Variants in P2RX7 observed in about 807,000 individuals in gnomAD.
P2RX7 encodes purinergic receptor P2X 7, also known as P2X purinoceptor 7.
P2RX7 carries 62 observed loss-of-function variants against 71.6 expected under a neutral mutation model. That is an observed-to-expected ratio of 0.87 (90% confidence interval 0.71 to 1.07). P2RX7 has a LOEUF of 1.07. P2RX7 is among the 50% of genes least tolerant of loss of function. P2RX7 has a pLI of 0.00. For missense variants in P2RX7, 686 were observed against 748.5 expected (o/e 0.92, Z 0.97); for synonymous variants, 299 against 283.3 (o/e 1.06, Z -0.56).
At chr12:121,145,561 C>T (rs1046291900) in intron 1 of P2RX7, among the ~76,000 whole-genome samples, 5 of 150,122 alleles carry the variant, frequency 3.3e-5, no homozygotes, top group Non-Finnish European at 7.4e-5. Flanking sequence ...GGCTGGAGTG[C>T]GATGGTGTGA....
chr12:121,157,923 A>G (rs962646812), intron 3 of P2RX7, among the ~76,000 whole-genome samples: 39 of 152,264 alleles, frequency 2.6e-4, no homozygotes, highest in Admixed American at 6.5e-5. Context: ...GTCAGTTGTT[A>G]TGATTCAAAT....
chr12:121,184,230 T>A lies in P2RX7; in HGVS notation c.1291-75T>A, dbSNP rs999184569. The A allele has an allele frequency of 2.1e-5, 31 of 1,480,418 alleles. 1 individual carries two copies. In the African/African-American group the frequency reaches 3.9e-4, roughly 19 times the overall value. The allele number at this position is 1,480,418 out of a possible 1,614,324, so 91.7% of individuals were successfully genotyped here. ...TCATGTAATATTAAACGTAACTTTA[T>A]AAGTTAATAAAATTAAAGAACCTAG... On this transcript the variant is annotated intron_variant, in intron 12 of 12. Coordinates refer to ENST00000328963, the MANE Select transcript of P2RX7 (RefSeq NM_002562.6).
At chr12:121,166,222 G>T (rs1880988223) in intron 7 of P2RX7, 35 bp downstream of exon 7, 1 of 1,601,976 alleles carries the variant, frequency 6.2e-7, no homozygotes, top group Non-Finnish European at 8.5e-7. Flanking sequence ...ATGTGGGGCT[G>T]TGTGTCTAGG....
At chr12:121,175,250 G>A in intron 8 of P2RX7, 138 bp from the exon 9 acceptor site, 2 of 556,356 alleles carry the variant, frequency 3.6e-6, no homozygotes, top group Non-Finnish European at 6.5e-6. Flanking sequence ...AGTCAAGGCT[G>A]CAGTGAGTGG....
At chr12:121,134,875 T>C (rs1873210059) in intron 1 of P2RX7, among the ~76,000 whole-genome samples, 1 of 152,104 alleles carries the variant, frequency 6.6e-6, no homozygotes, top group Non-Finnish European at 1.5e-5. Context: ...GGTAACTTAT[T>C]TCATAGTACT....
rs750961433 is a variant in P2RX7, at chr12:121,180,496, A to C, written c.1290+41A>C. The C allele has an allele frequency of 4.9e-6, 5 of 1,027,634 alleles. No individual in the cohort carries two copies. The African/African-American group carries it at 5.0e-5, about 10-fold the overall frequency. 63.7% of individuals were successfully genotyped at this position (1,027,634 alleles called of 1,614,324 possible). On this transcript the variant is annotated intron_variant, in intron 12 of 12. Coordinates refer to ENST00000328963, the MANE Select transcript of P2RX7 (RefSeq NM_002562.6). ...TTGTCTTTTTTTTTTTTTTAAGAAA[A>C]TTTACTGTTAAATATAAACACATCT...
At chr12:121,138,695 A>G (rs1447928147) in intron 1 of P2RX7, among the ~76,000 whole-genome samples, 1 of 152,158 alleles carries the variant, frequency 6.6e-6, no homozygotes, top group African/African-American at 2.4e-5. Context: ...TTCTAAGTGT[A>G]CCTCTCTAGT....
Position 121,144,730 on chromosome 12 carries a change from G to T in P2RX7, c.126-10055G>T, listed in dbSNP as rs1875762817. The stretch of plus-strand genomic sequence containing the variant: ...AGATCTGAGAGCTGTTGGCGACCTG[G>T]ACTGGGGAGGTGATAGAGGCAGAGG... On this transcript the variant is annotated intron_variant, in intron 1 of 12. Coordinates refer to ENST00000328963, the MANE Select transcript of P2RX7 (RefSeq NM_002562.6). Among the ~76,000 whole-genome samples, 3 of 152,276 alleles carry T rather than the reference G, an allele frequency of 2.0e-5. No homozygotes were observed. In the South Asian group the frequency reaches 6.2e-4, roughly 32 times the overall value.
At chr12:121,183,590 T>TAC (rs71079032) in intron 12 of P2RX7, among the ~76,000 whole-genome samples, 1,282 of 117,646 alleles carry the variant, frequency 0.011, 9 homozygotes, top group African/African-American at 0.029. Context: ...AAACAACAAA[T>TAC]ACACACACAC....
chr12:121,136,772 G>A (rs1240869695), intron 1 of P2RX7, among the ~76,000 whole-genome samples: 1 of 148,934 alleles, frequency 6.7e-6, no homozygotes, highest in Non-Finnish European at 1.5e-5. Context: ...TCAACCTCCC[G>A]AGTAGCTGGG....
chr12:121,161,043 C>T, intron 4 of P2RX7, 69 bp downstream of exon 4: 2 of 1,185,608 alleles, frequency 1.7e-6, no homozygotes, highest in South Asian at 2.4e-5. Flanking sequence ...ATTTGTGATG[C>T]CCAGGTCAGG....
intron 3 of P2RX7, among the ~76,000 whole-genome samples, chr12:121,158,737 A>G (rs1233553123): frequency 6.6e-6 from 1 of 152,220 alleles, no homozygotes; most frequent in Non-Finnish European, 1.5e-5. Context: ...GTTTTTTAAA[A>G]AAAAAATTAG....
chr12:121,145,605 C>T (rs909234374), intron 1 of P2RX7, among the ~76,000 whole-genome samples: 1 of 151,610 alleles, frequency 6.6e-6, no homozygotes, highest in African/African-American at 2.4e-5. Flanking sequence ...CTCCTGGGTT[C>T]AAGTGATTCT....
chr12:121,169,461 G>A (rs1881744440), intron 8 of P2RX7, among the ~76,000 whole-genome samples: 1 of 152,176 alleles, frequency 6.6e-6, no homozygotes, highest in South Asian at 2.1e-4. Context: ...ACTGTCTTCA[G>A]TAGAAAAGAT....
At chr12:121,139,730 C>A (rs1464148405) in intron 1 of P2RX7, among the ~76,000 whole-genome samples, 1 of 90,826 alleles carries the variant, frequency 1.1e-5, no homozygotes, top group African/African-American at 5.7e-5. Flanking sequence ...TGACCCTGAC[C>A]ATCTTTTTTT....
chr12:121,187,915 G>C lies in P2RX7; in HGVS notation c.*3113G>C, dbSNP rs1320767983. ...CTGATTTCACATAGCATTGGTAATA[G>C]ACATGCATTTCTCTTTCTAAAGGGG... On this transcript the variant is annotated 3_prime_UTR_variant, in exon 13 of 13. Transcript: ENST00000328963. The C allele has an allele frequency of 6.6e-6, 1 of 152,096 alleles. No individual in the cohort carries two copies. Among genetic ancestry groups the C allele is most frequent in the Non-Finnish European group, 1.5e-5 (1 of 68,022 alleles). The allele number at this position is 152,096 out of a possible 1,614,324, so 9.4% of individuals were successfully genotyped here.
intron 8 of P2RX7, among the ~76,000 whole-genome samples, chr12:121,171,407 T>C (rs1186651520): frequency 7.0e-6 from 1 of 142,044 alleles, no homozygotes; most frequent in Non-Finnish European, 1.5e-5. Flanking sequence ...TCCAGTCTCC[T>C]AGACTGAAGT....
intron 1 of P2RX7, among the ~76,000 whole-genome samples, chr12:121,138,948 T>C (rs1816141045): frequency 6.6e-6 from 1 of 152,210 alleles, no homozygotes; most frequent in Admixed American, 6.5e-5. Context: ...GAGAATTCTT[T>C]TTTATTTTTT....
intron 7 of P2RX7, among the ~76,000 whole-genome samples, 155 bp downstream of exon 7, chr12:121,166,342 CCA>C (rs1881023950): frequency 6.6e-6 from 1 of 152,324 alleles, no homozygotes; most frequent in Non-Finnish European, 1.5e-5. Context: ...ACTTTACCTA[CCA>C]TACCTCGTCA....
Sources: gnomAD v4.1 joint callset for allele counts (sites outside exome capture counted in the v4.1 genomes callset) on GRCh38, gnomAD v4.1.1 for gene constraint, MANE v1.5 for transcripts, NCBI Gene and HGNC (gene_info 2026-07-23, HGNC 2026-07-21) for gene names.